The following SMARCA2 variants were observed in gnomAD, a reference collection of about 807,000 sequenced individuals.
SMARCA2 encodes the protein SWI/SNF-related matrix-associated actin-dependent regulator of chromatin subfamily A member 2.
SMARCA2 carries 61 observed loss-of-function variants against 199.8 expected under a neutral mutation model. That is an observed-to-expected ratio of 0.31 (90% confidence interval 0.25 to 0.38). SMARCA2 has a LOEUF of 0.38. SMARCA2 is among the 10% of genes least tolerant of loss of function. The pLI is 1.00. For synonymous variants in SMARCA2, 935 were observed against 732.0 expected, an observed-to-expected ratio of 1.28 and a Z score of -4.48; for missense variants, 1,344 against 2,012.2, an observed-to-expected ratio of 0.67 and a Z score of 6.35.
chr9:2,047,305 C>G lies in SMARCA2; in HGVS notation c.867C>G (p.Pro289=), dbSNP rs1819901353. ...PVPAPGGRPS[P]APPAAAQPPA... is the part of the protein sequence containing the mutation. ...CCGCGCCCGGCGGCCGGCCCTCGCC[C>G]GCGCCCCCCGCAGCCGCGCAGCCGC... The change falls in exon 5 of 34, where the codon CCC becomes CCG. Residue 289 remains proline, a synonymous_variant. Transcript: ENST00000349721. The G allele has an allele frequency of 2.0e-6, 2 of 1,001,210 alleles. No individual in the cohort carries two copies. Among genetic ancestry groups the G allele is most frequent in the African/African-American group, 1.8e-5 (1 of 56,756 alleles). The allele number at this position is 1,001,210 out of a possible 1,614,324, so 62.0% of individuals were successfully genotyped here.
intron 27 of SMARCA2, chr9:2,159,885 T>C: frequency 1.2e-6 from 2 of 1,612,042 alleles, no homozygotes; most frequent in Non-Finnish European, 8.5e-7. Context: ...TGATTTCTGA[T>C]AGCCGGCCTG....
chr9:2,019,250 A>G (rs1022323597), intron 1 of SMARCA2, among the ~76,000 whole-genome samples: 19 of 152,200 alleles, frequency 1.2e-4, no homozygotes, highest in Admixed American at 3.9e-4. Context: ...GGGTATCAGA[A>G]CCCTTGAAGA....
chr9:2,136,986 G>T (rs1212701164), intron 27 of SMARCA2, among the ~76,000 whole-genome samples: 1 of 152,116 alleles, frequency 6.6e-6, no homozygotes, highest in Admixed American at 6.5e-5. Context: ...AAGCAGTCTG[G>T]CCTCCAGACA....
At chr9:2,035,389 T>C (rs551323723) in intron 3 of SMARCA2, among the ~76,000 whole-genome samples, 1 of 152,286 alleles carries the variant, frequency 6.6e-6, no homozygotes, top group Non-Finnish European at 1.5e-5. Flanking sequence ...GAGTAACGTT[T>C]AGTGATTCTT....
intron 24 of SMARCA2, among the ~76,000 whole-genome samples, chr9:2,112,140 T>G (rs1461013780): frequency 6.6e-6 from 1 of 152,218 alleles, no homozygotes; most frequent in Non-Finnish European, 1.5e-5. Context: ...AAACATTTAT[T>G]GAGTGTCTGT....
chr9:2,158,752 C>T, intron 27 of SMARCA2: 1 of 456,336 alleles, frequency 2.2e-6, no homozygotes, highest in Non-Finnish European at 3.9e-6. Context: ...AGTTTAAAAT[C>T]TCCATGAATA....
chr9:2,129,508 G>A (rs563179116), intron 27 of SMARCA2, among the ~76,000 whole-genome samples: 32 of 152,318 alleles, frequency 2.1e-4, no homozygotes, highest in Non-Finnish European at 4.3e-4. Context: ...TGGAGTCAGC[G>A]TCCATCAGTC....
chr9:2,062,651 A>G (rs1274072680), intron 9 of SMARCA2, among the ~76,000 whole-genome samples: 1 of 152,110 alleles, frequency 6.6e-6, no homozygotes, highest in Non-Finnish European at 1.5e-5. Context: ...CAATTTGGTA[A>G]TAGCACTTAT....
chr9:2,038,597 T>C (rs1233058190), intron 3 of SMARCA2, among the ~76,000 whole-genome samples: 1 of 152,224 alleles, frequency 6.6e-6, no homozygotes, highest in Non-Finnish European at 1.5e-5. Context: ...AGTTATTTAC[T>C]ATATATTCTA....
At position 2,086,611 on chromosome 9, in the gene SMARCA2, G is replaced by A. The variant is rs1336414670; in HGVS notation, c.2527-218G>A. Among the ~76,000 whole-genome samples the A allele has an allele frequency of 2.0e-5, 3 of 152,182 alleles. No individual in the cohort carries two copies. The highest frequency in any genetic ancestry group is 2.0e-4 in the Admixed American group (3 of 15,274). ...AAGTTGATTTGGAATTACGTGGTCTGTAAGGAACATTGTTCCTTTAACATT... is the reference window on the plus strand; with the variant it reads ...AAGTTGATTTGGAATTACGTGGTCTATAAGGAACATTGTTCCTTTAACATT... On this transcript the variant is annotated intron_variant, in intron 17 of 33. Transcript: ENST00000349721. This position sits in a 1 kb window ranked among gnomAD's most constrained non-coding sequence, Gnocchi z 4.3.
chr9:2,151,901 A>G (rs546624600), intron 27 of SMARCA2, among the ~76,000 whole-genome samples: 1 of 152,300 alleles, frequency 6.6e-6, no homozygotes, highest in African/African-American at 2.4e-5. Flanking sequence ...TTGGAAGACC[A>G]TAATGATTTT....
intron 32 of SMARCA2, among the ~76,000 whole-genome samples, chr9:2,191,053 G>A (rs1306199092): frequency 1.3e-5 from 2 of 152,140 alleles, no homozygotes; most frequent in Admixed American, 1.3e-4. Context: ...CCTGTTTAGC[G>A]TGACTACATC....
At position 2,119,442 on chromosome 9, in the gene SMARCA2, CTG is replaced by C; in HGVS notation, c.3685-14_3685-13del. 2 of 1,585,278 alleles carry C rather than the reference CTG, an allele frequency of 1.3e-6. No homozygotes were observed. Among genetic ancestry groups the C allele is most frequent in the Non-Finnish European group, 1.7e-6 (2 of 1,153,630 alleles). On this transcript the variant is annotated splice_polypyrimidine_tract_variant and intron_variant, in intron 25 of 33. Coordinates refer to ENST00000349721, the MANE Select transcript of SMARCA2 (RefSeq NM_003070.5). This position sits in a 1 kb window ranked among gnomAD's most constrained non-coding sequence, Gnocchi z 4.6. ...CAGCTGTCCACTGGTTAAAATCACT[CTG>C]TTTTTAACCCCAGGAAGAAGATGAA...
At chr9:2,117,559 T>A (rs1329895177) in intron 25 of SMARCA2, among the ~76,000 whole-genome samples, 1 of 152,208 alleles carries the variant, frequency 6.6e-6, no homozygotes, top group Non-Finnish European at 1.5e-5. Flanking sequence ...AAAGCAGATA[T>A]GAGCAGAGCT....
chr9:2,109,696 A>C (rs1473929761), intron 23 of SMARCA2, among the ~76,000 whole-genome samples: 1 of 150,490 alleles, frequency 6.6e-6, no homozygotes, highest in African/African-American at 2.4e-5. Flanking sequence ...TTCCATTTGC[A>C]AAAAAAAAAT....
At chr9:2,176,203 T>TTTTTTTTTTTTTTTTTTTTTTTA (rs57519167) in intron 29 of SMARCA2, among the ~76,000 whole-genome samples, 1 of 145,790 alleles carries the variant, frequency 6.9e-6, no homozygotes, top group African/African-American at 2.6e-5. Flanking sequence ...TTTTTTTTTT[T>TTTTTTTTTTTTTTTTTTTTTTTA]ATAATGACGT....
chr9:2,160,050 C>G, intron 27 of SMARCA2: 1 of 1,046,340 alleles, frequency 9.6e-7, no homozygotes, highest in Non-Finnish European at 1.4e-6. Context: ...ATACCATTAA[C>G]TGTTGACAGC....
At chr9:2,191,162 C>G (rs1051898376) in intron 32 of SMARCA2, 104 bp from the exon 33 acceptor site, 14 of 1,128,246 alleles carry the variant, frequency 1.2e-5, no homozygotes, top group Non-Finnish European at 1.7e-5. Context: ...TCTGGGCACT[C>G]TGGGATGTTT....
At chr9:2,072,418 C>G (rs776626766) in intron 10 of SMARCA2, among the ~76,000 whole-genome samples, 24 of 152,144 alleles carry the variant, frequency 1.6e-4, no homozygotes, top group Non-Finnish European at 3.5e-4. Flanking sequence ...TGAACTTTAG[C>G]TTAATTTTTG....
Sources: allele counts gnomAD v4.1 joint callset (sites outside exome capture counted in the v4.1 genomes callset), GRCh38; gene constraint gnomAD v4.1.1; non-coding constraint Gnocchi (gnomAD v3.1); transcripts MANE v1.5; gene names NCBI Gene and HGNC (gene_info 2026-07-23, HGNC 2026-07-21).